Variants in RAP1GDS1 observed in about 807,000 individuals in gnomAD.
RAP1GDS1 encodes the protein Rap1 GTPase-GDP dissociation stimulator 1.
RAP1GDS1 carries 35 observed loss-of-function variants against 71.1 expected under a neutral mutation model. That is an observed-to-expected ratio of 0.49 (90% CI 0.38 to 0.65). RAP1GDS1 has a LOEUF of 0.65. RAP1GDS1 is among the 30% of genes least tolerant of loss of function. The pLI is 0.00. For synonymous variants in RAP1GDS1, 229 were observed against 243.1 expected (o/e 0.94, Z 0.54); for missense variants, 663 against 706.1 (o/e 0.94, Z 0.69).
At chr4:98,434,196 A>G (rs573904656) in intron 13 of RAP1GDS1, 134 bp downstream of exon 13, 25 of 1,078,634 alleles carry the variant, frequency 2.3e-5, no homozygotes, top group African/African-American at 1.1e-4. Context: ...CTCTGAATCT[A>G]TGGAAAATCA....
intron 12 of RAP1GDS1, among the ~76,000 whole-genome samples, chr4:98,430,580 C>G (rs570745343): frequency 6.6e-6 from 1 of 152,278 alleles, no homozygotes; most frequent in South Asian, 2.1e-4. Flanking sequence ...CTTTGAGATT[C>G]ACAGCACACA....
At chr4:98,383,943 C>A (rs1275989458) in intron 5 of RAP1GDS1, among the ~76,000 whole-genome samples, 1 of 151,382 alleles carries the variant, frequency 6.6e-6, no homozygotes, top group African/African-American at 2.4e-5. Context: ...GAGTGAAGAA[C>A]TATTTTTAAA....
chr4:98,424,443 T>A (rs541770975), intron 12 of RAP1GDS1, among the ~76,000 whole-genome samples: 7 of 152,156 alleles, frequency 4.6e-5, no homozygotes, highest in Admixed American at 3.9e-4. Flanking sequence ...ACCTGTGGCA[T>A]TTGAAGAAGA....
rs564447396 is a variant in RAP1GDS1 at position 98,356,173 on chromosome 4, G to A, written c.361+3572G>A. Among the ~76,000 whole-genome samples, 16 of 152,176 alleles carry A rather than the reference G, an allele frequency of 1.1e-4. No homozygotes were observed. In the South Asian group the frequency reaches 2.9e-3, roughly 28 times the overall value. On this transcript the variant is annotated intron_variant, in intron 4 of 14. Transcript: ENST00000408927. The stretch of plus-strand genomic sequence containing the variant: ...GGAAAGAAATAATCAAAATATGTGC[G>A]ATTGATGGGATACACCAGGGAATGT...
Position 98,281,099 on chromosome 4 carries a change from T to G in RAP1GDS1, c.5-12309T>G, listed in dbSNP as rs139582363. ...GATTGTCTTGGCAATGTGGGCTCTT[T>G]TTTGGTTTTATATGAACTTGAAAGT... is the stretch of plus-strand genomic sequence containing the variant. On this transcript the variant is annotated intron_variant, in intron 1 of 14. Transcript: ENST00000408927. Among the ~76,000 whole-genome samples the G allele has an allele frequency of 9.3e-3, 1,413 of 152,316 alleles. 19 individuals carry two copies. The highest frequency in any genetic ancestry group is 0.03 in the African/African-American group (1,253 of 41,564).
chr4:98,328,476 C>T (rs1187018281), intron 2 of RAP1GDS1, among the ~76,000 whole-genome samples: 1 of 152,174 alleles, frequency 6.6e-6, no homozygotes, highest in Non-Finnish European at 1.5e-5. Flanking sequence ...GGTGAACTTT[C>T]CGTGTGATTC....
chr4:98,366,189 T>C lies in RAP1GDS1; in HGVS notation c.362-12828T>C, dbSNP rs377073182. On this transcript the variant is annotated intron_variant, in intron 4 of 14. Coordinates refer to ENST00000408927, the MANE Select transcript of RAP1GDS1 (RefSeq NM_001100427.2). ...GACCCAGTGGGAGGTAATTGAATCA[T>C]GGGGGCAGGTCTTTCCCATGCTATT... 1.2e-4 allele frequency among the ~76,000 whole-genome samples: 19 copies of C among 152,282 alleles called. No homozygotes were observed. In the South Asian group the frequency reaches 3.9e-3, roughly 32 times the overall value.
intron 7 of RAP1GDS1, among the ~76,000 whole-genome samples, chr4:98,410,292 G>T (rs910022761): frequency 3.3e-5 from 5 of 151,960 alleles, no homozygotes; most frequent in African/African-American, 1.2e-4. Context: ...CTTGACAAAA[G>T]ATTTATATTA....
At chr4:98,346,562 T>A (rs56987276) in intron 3 of RAP1GDS1, among the ~76,000 whole-genome samples, 11,939 of 151,996 alleles carry the variant, frequency 0.079, 500 homozygotes, top group Admixed American at 0.14. Context: ...TTATTTATTT[T>A]TTTTTTTTTT....
chr4:98,404,704 TATTA>T, intron 7 of RAP1GDS1, 102 bp downstream of exon 7: 1 of 1,346,320 alleles, frequency 7.4e-7, no homozygotes, highest in Non-Finnish European at 1.0e-6. Flanking sequence ...AACCATTCTT[TATTA>T]GTGATATGTT....
At chr4:98,362,533 A>G (rs1231257256) in intron 4 of RAP1GDS1, among the ~76,000 whole-genome samples, 5 of 151,968 alleles carry the variant, frequency 3.3e-5, no homozygotes, top group African/African-American at 1.2e-4. Context: ...GCTCCAGGAA[A>G]TTAAAATAGA....
intron 7 of RAP1GDS1, chr4:98,409,913 CT>C (rs1308712381): frequency 6.2e-6 from 1 of 162,104 alleles, no homozygotes; most frequent in African/African-American, 2.4e-5. Flanking sequence ...CCTTGAAATA[CT>C]TTTCTTAGAT....
chr4:98,435,560 C>A (rs1046880526), intron 13 of RAP1GDS1, among the ~76,000 whole-genome samples: 14 of 152,194 alleles, frequency 9.2e-5, no homozygotes, highest in African/African-American at 3.4e-4. Context: ...ACAGAAGGGG[C>A]TTAGGCTTGC....
Position 98,371,154 on chromosome 4 carries a change from A to G in RAP1GDS1, c.362-7863A>G, listed in dbSNP as rs189971188. ...TTTTGAGACGAAGTCTCTCTGTCAC[A>G]CAGGCTGGAGTGCAGGAGCAGGATC... On this transcript the variant is annotated intron_variant, in intron 4 of 14. Transcript: ENST00000408927. 6.5e-3 allele frequency among the ~76,000 whole-genome samples: 948 copies of G among 146,458 alleles called. 12 individuals are homozygous for G. Among genetic ancestry groups the G allele is most frequent in the Non-Finnish European group, 7.1e-3 (474 of 66,810 alleles).
intron 1 of RAP1GDS1, among the ~76,000 whole-genome samples, chr4:98,269,173 CAAAAAAAA>C (rs56015226): frequency 1.6e-4 from 9 of 56,876 alleles, no homozygotes; most frequent in Non-Finnish European, 2.6e-4. Flanking sequence ...AATTGATCTT[CAAAAAAAA>C]AAAAAAAAAA....
chr4:98,339,032 T>C (rs182868496), intron 2 of RAP1GDS1, among the ~76,000 whole-genome samples: 1 of 152,340 alleles, frequency 6.6e-6, no homozygotes, highest in African/African-American at 2.4e-5. Flanking sequence ...TTGTAATACT[T>C]TGTATTGACC....
chr4:98,400,939 A>T (rs1745323861), intron 6 of RAP1GDS1, among the ~76,000 whole-genome samples: 1 of 152,228 alleles, frequency 6.6e-6, no homozygotes, highest in Non-Finnish European at 1.5e-5. Flanking sequence ...TAATAAGGAT[A>T]TTGTCACACA....
rs188658113 is a variant in RAP1GDS1 at position 98,391,890 on chromosome 4, T to A, written c.509-62T>A. ...GAAAATAAGAGGTGTTTTCTTCTTA[T>A]AATGTTCATTTGACATGTCAACACT... On this transcript the variant is annotated intron_variant, in intron 5 of 14. Coordinates refer to ENST00000408927, the MANE Select transcript of RAP1GDS1 (RefSeq NM_001100427.2). 74 of 1,434,792 alleles carry A rather than the reference T, an allele frequency of 5.2e-5. 1 individual carries two copies. The East Asian group carries it at 1.7e-3, about 34-fold the overall frequency. The allele number at this position is 1,434,792 out of a possible 1,614,324, so 88.9% of individuals were successfully genotyped here.
chr4:98,308,417 C>T (rs1044155282), intron 2 of RAP1GDS1, among the ~76,000 whole-genome samples: 1 of 147,024 alleles, frequency 6.8e-6, no homozygotes, highest in Non-Finnish European at 1.5e-5. Flanking sequence ...CTGCAGTGAG[C>T]CATGATTGTG....
Sources: gnomAD v4.1 joint callset for allele counts (sites outside exome capture counted in the v4.1 genomes callset) on GRCh38, gnomAD v4.1.1 for gene constraint, MANE v1.5 for transcripts, NCBI Gene and HGNC (gene_info 2026-07-23, HGNC 2026-07-21) for gene names.